NTRK3: variants seen among roughly 807,000 people sequenced by gnomAD.
NTRK3 encodes neurotrophic receptor tyrosine kinase 3, also known as NT-3 growth factor receptor.
A neutral mutation model predicts 91.7 loss-of-function variants in NTRK3; 24 were observed. The observed-to-expected ratio is 0.26, with a 90% CI of 0.19 to 0.37. The LOEUF is 0.37. Among genes scored for constraint, NTRK3 ranks in the 10% least tolerant of loss-of-function variants. NTRK3 has a pLI of 1.00. For missense variants in NTRK3, 880 were observed against 1,068.9 expected, an observed-to-expected ratio of 0.82 and a Z score of 2.46; for synonymous variants, 483 against 404.0, an observed-to-expected ratio of 1.20 and a Z score of -2.34.
At chr15:88,039,325 C>T (rs1288268561) in intron 13 of NTRK3, among the ~76,000 whole-genome samples, 2 of 152,136 alleles carry the variant, frequency 1.3e-5, no homozygotes, top group East Asian at 1.9e-4. Context: ...GGAGAGAGAC[C>T]CTCAAGGGAA....
chr15:88,247,840 G>A (rs74027924), intron 3 of NTRK3, among the ~76,000 whole-genome samples: 3,407 of 152,278 alleles, frequency 0.022, 129 homozygotes, highest in African/African-American at 0.075. Context: ...AGCAATGAAG[G>A]TAGAGAGGCG....
At chr15:88,011,774 G>A (rs140809383) in intron 14 of NTRK3, among the ~76,000 whole-genome samples, 168 of 152,330 alleles carry the variant, frequency 1.1e-3, no homozygotes, top group African/African-American at 3.5e-3. Context: ...GGGAAAGTCT[G>A]CACAGCCAGA....
intron 14 of NTRK3, among the ~76,000 whole-genome samples, chr15:87,976,340 C>A (rs1272535211): frequency 6.6e-6 from 1 of 152,144 alleles, no homozygotes; most frequent in Non-Finnish European, 1.5e-5. Context: ...GATAAAGCAA[C>A]TGAGGGTATA....
intron 3 of NTRK3, among the ~76,000 whole-genome samples, chr15:88,207,289 G>C (rs1567647850): frequency 6.6e-6 from 1 of 152,162 alleles, no homozygotes; most frequent in Non-Finnish European, 1.5e-5. Context: ...CCCATGAGCT[G>C]GGTGGTGGAA....
At chr15:87,900,489 G>T (rs1262160657) in intron 17 of NTRK3, among the ~76,000 whole-genome samples, 1 of 152,166 alleles carries the variant, frequency 6.6e-6, no homozygotes, top group Non-Finnish European at 1.5e-5. Flanking sequence ...GGTCTTGGCA[G>T]CCCATGTTTT....
rs1381479645 is a variant in NTRK3, at chr15:88,202,167, C to T, written c.249-17868G>A. On this transcript the variant is annotated intron_variant, in intron 3 of 18. Coordinates refer to ENST00000394480, the Ensembl canonical transcript of NTRK3. ...CTGCAGGAGCCTTCCTCCTGGTCTTCGTTTCTTGCCTTCCAGGTCTTCTCC... is the reference window on the plus strand; with the variant it reads ...CTGCAGGAGCCTTCCTCCTGGTCTTTGTTTCTTGCCTTCCAGGTCTTCTCC... Among the ~76,000 whole-genome samples the T allele has an allele frequency of 3.3e-5, 5 of 152,200 alleles. No homozygotes were observed. The South Asian group carries it at 6.2e-4, about 19-fold the overall frequency.
chr15:87,886,096 G>T lies in NTRK3; in HGVS notation c.2134-5668C>A, dbSNP rs761591610. Among the ~76,000 whole-genome samples, 8 of 151,994 alleles carry T rather than the reference G, an allele frequency of 5.3e-5. No individual in the cohort carries two copies. In the East Asian group the frequency reaches 1.5e-3, roughly 29 times the overall value. On this transcript the variant is annotated intron_variant, in intron 17 of 18. Transcript: ENST00000394480. ...AGAAATGGCCACAAACATATGAAAA[G>T]ATGCCAATTAAAACAACAGAAACAC... is the stretch of plus-strand genomic sequence containing the variant.
At chr15:88,001,872 A>T (rs1486476) in intron 14 of NTRK3, among the ~76,000 whole-genome samples, 37,082 of 152,074 alleles carry the variant, frequency 0.24, 5,070 homozygotes, top group South Asian at 0.39. Flanking sequence ...TTCTGCAAAA[A>T]AGAGGCCTGA....
chr15:87,878,197 T>A (rs1248482757), intron 18 of NTRK3, among the ~76,000 whole-genome samples: 2 of 152,182 alleles, frequency 1.3e-5, no homozygotes, highest in African/African-American at 4.8e-5. Context: ...ATGATAAAAA[T>A]ACAAAGAATA....
exon 7 of NTRK3, chr15:88,137,443 A>C: frequency 6.2e-7 from 1 of 1,614,156 alleles, no homozygotes; most frequent in Non-Finnish European, 8.5e-7. Context: ...GGAAGCTGGG[A>C]GCCATCAGCG....
At chr15:88,248,747 C>T (rs2053081527) in intron 3 of NTRK3, among the ~76,000 whole-genome samples, 1 of 152,122 alleles carries the variant, frequency 6.6e-6, no homozygotes, top group African/African-American at 2.4e-5. Context: ...TGATGTGAGG[C>T]TGCAATGAGG....
intron 14 of NTRK3, among the ~76,000 whole-genome samples, chr15:87,946,601 G>A (rs567626630): frequency 6.6e-6 from 1 of 152,168 alleles, no homozygotes; most frequent in Non-Finnish European, 1.5e-5. Flanking sequence ...CCTGAGGGCT[G>A]GCCCCTGGTG....
chr15:87,918,597 C>A (rs1371705917), intron 17 of NTRK3, among the ~76,000 whole-genome samples: 1 of 152,228 alleles, frequency 6.6e-6, no homozygotes, highest in Non-Finnish European at 1.5e-5. Context: ...TTTAGACATT[C>A]TTAACTGCCT....
exon 19 of NTRK3, chr15:87,872,557 G>T: frequency 4.3e-6 from 1 of 230,286 alleles, no homozygotes. Context: ...TTAGCATGTT[G>T]GTTTTGAACA....
At chr15:87,922,564 A>C (rs1380417287) in intron 17 of NTRK3, among the ~76,000 whole-genome samples, 5 of 152,238 alleles carry the variant, frequency 3.3e-5, no homozygotes, top group African/African-American at 4.8e-5. Context: ...CCTTCAAAAA[A>C]CAAAAAATGA....
At chr15:87,892,439 GTCTT>G (rs2065899882) in intron 17 of NTRK3, among the ~76,000 whole-genome samples, 1 of 152,044 alleles carries the variant, frequency 6.6e-6, no homozygotes. Context: ...ATAACAAAAT[GTCTT>G]TCTTTTCCAT....
chr15:87,996,408 G>T (rs2075707975), intron 14 of NTRK3, among the ~76,000 whole-genome samples: 1 of 152,104 alleles, frequency 6.6e-6, no homozygotes. Context: ...CGCTGAAGGA[G>T]AACCAAGAGG....
intron 14 of NTRK3, among the ~76,000 whole-genome samples, chr15:87,996,142 G>T (rs981261409): frequency 5.3e-5 from 8 of 152,144 alleles, no homozygotes; most frequent in African/African-American, 1.9e-4. Flanking sequence ...TACTTGGGAG[G>T]CTGAGGCAGA....
At position 88,235,211 on chromosome 15, in the gene NTRK3, G is replaced by T. The variant is rs1027615869; in HGVS notation, c.248+20695C>A. On this transcript the variant is annotated intron_variant, in intron 3 of 18. Coordinates refer to ENST00000394480, the Ensembl canonical transcript of NTRK3. The surrounding 1 kb of genome is among the most constrained non-coding windows in gnomAD (Gnocchi z 5.2). The stretch of plus-strand genomic sequence containing the variant: ...ACGGATGGCCTCTATCCACTGAATT[G>T]TAAGGTCCCAGGCCAGAAACGTTGT... 4.6e-5 allele frequency among the ~76,000 whole-genome samples: 7 copies of T among 152,154 alleles called. No individual in the cohort carries two copies. In the East Asian group the frequency reaches 9.6e-4, roughly 21 times the overall value.
Sources: gnomAD v4.1 joint callset for allele counts (sites outside exome capture counted in the v4.1 genomes callset) on GRCh38, gnomAD v4.1.1 for gene constraint, Gnocchi (gnomAD v3.1) non-coding constraint, MANE v1.5 for transcripts, NCBI Gene and HGNC (gene_info 2026-07-23, HGNC 2026-07-21) for gene names.